Variants in KAZN observed in about 807,000 individuals in gnomAD.
The protein encoded by KAZN is kazrin.
A neutral mutation model predicts 87.4 loss-of-function variants in KAZN; 40 were observed. The observed-to-expected ratio is 0.46, with a 90% CI of 0.36 to 0.60. The LOEUF (loss-of-function observed/expected upper bound fraction) is 0.60, where lower values mean the gene tolerates loss of function less well. KAZN is among the 20% of genes least tolerant of loss of function. KAZN has a pLI of 0.00. For synonymous variants in KAZN, 466 were observed against 458.3 expected (o/e 1.02, Z -0.22); for missense variants, 898 against 1,073.9 (o/e 0.84, Z 2.29).
intron 1 of KAZN, among the ~76,000 whole-genome samples, chr1:14,610,116 G>A (rs1334639842): frequency 6.6e-6 from 1 of 152,214 alleles, no homozygotes; most frequent in African/African-American, 2.4e-5. Context: ...TTTTACAAAT[G>A]AATACAATTT....
At chr1:14,056,876 A>G (rs558763979) in intron 1 of KAZN, among the ~76,000 whole-genome samples, 11 of 152,180 alleles carry the variant, frequency 7.2e-5, no homozygotes, top group Non-Finnish European at 1.5e-5. Context: ...GAAAACATTC[A>G]GATTTCAAAA....
chr1:14,100,715 C>T (rs529793904), intron 1 of KAZN, among the ~76,000 whole-genome samples: 1 of 152,192 alleles, frequency 6.6e-6, no homozygotes, highest in Admixed American at 6.5e-5. Context: ...AGGTGTTCAG[C>T]CTAAATCACA....
intron 1 of KAZN, among the ~76,000 whole-genome samples, chr1:14,940,380 T>C (rs1204174975): frequency 6.6e-6 from 1 of 152,204 alleles, no homozygotes; most frequent in Admixed American, 6.5e-5. Flanking sequence ...CATCCACCCA[T>C]TGGCCTGTGC....
At chr1:15,080,046 G>A (rs988102010) in intron 8 of KAZN, among the ~76,000 whole-genome samples, 5 of 152,098 alleles carry the variant, frequency 3.3e-5, no homozygotes, top group Admixed American at 6.6e-5. Flanking sequence ...GCAGAGCAGT[G>A]GGGACCCTGG....
Position 14,764,575 on chromosome 1 carries a change from G to T in KAZN, c.226+165352G>T, listed in dbSNP as rs546741018. ...ACGGTTGCCTGTTTTGTTGACCCAT[G>T]TATCTTAAATGCCTGGAGCTCATAC... On this transcript the variant is annotated intron_variant, in intron 1 of 14. Transcript: ENST00000376030. Among the ~76,000 whole-genome samples, 5 of 152,176 alleles carry T rather than the reference G, an allele frequency of 3.3e-5. No individual in the cohort carries two copies. In the South Asian group the frequency reaches 1.0e-3, roughly 32 times the overall value.
At chr1:14,624,139 C>G (rs943309105) in intron 1 of KAZN, among the ~76,000 whole-genome samples, 7 of 152,088 alleles carry the variant, frequency 4.6e-5, no homozygotes, top group African/African-American at 7.2e-5. Context: ...ATATTAAAAC[C>G]AGGCCGGGCA....
chr1:14,831,287 A>G (rs993819402), intron 1 of KAZN, among the ~76,000 whole-genome samples: 1 of 152,208 alleles, frequency 6.6e-6, no homozygotes, highest in Non-Finnish European at 1.5e-5. Context: ...TCCTCCACCC[A>G]GGATGGAACT....
Position 14,747,589 on chromosome 1 carries a change from T to C in KAZN, c.226+148366T>C, listed in dbSNP as rs576613470. Among the ~76,000 whole-genome samples, 3 of 152,358 alleles carry C rather than the reference T, an allele frequency of 2.0e-5. No homozygotes were observed. In the South Asian group the frequency reaches 6.2e-4, roughly 32 times the overall value. ...GCCACTGCACCTGGCCCGTATCACA[T>C]TTTAAAATCCATTCATCCATCAATA... On this transcript the variant is annotated intron_variant, in intron 1 of 14. Transcript: ENST00000376030.
intron 2 of KAZN, among the ~76,000 whole-genome samples, chr1:14,449,896 A>T (rs6658744): frequency 6.6e-5 from 10 of 151,976 alleles, no homozygotes; most frequent in Non-Finnish European, 1.2e-4. Flanking sequence ...TCTGACTCTA[A>T]GTTTGAGAAA....
intron 1 of KAZN, among the ~76,000 whole-genome samples, chr1:14,883,342 G>GAGAGAGAAAGA (rs1377953212): frequency 3.0e-5 from 1 of 33,462 alleles, no homozygotes; most frequent in Non-Finnish European, 6.1e-5. Flanking sequence ...GAGAGAGAGA[G>GAGAGAGAAAGA]AAAGAAAGAA....
chr1:14,432,035 T>G (rs2101387417), intron 2 of KAZN, among the ~76,000 whole-genome samples: 1 of 152,320 alleles, frequency 6.6e-6, no homozygotes, highest in East Asian at 1.9e-4. Context: ...AAACATGGTG[T>G]GAAGAGTAAG....
At chr1:14,343,060 G>A (rs935232441) in intron 2 of KAZN, among the ~76,000 whole-genome samples, 1 of 152,136 alleles carries the variant, frequency 6.6e-6, no homozygotes, top group African/African-American at 2.4e-5. Flanking sequence ...AGAATCACTT[G>A]AACCCGGGAG....
chr1:14,471,069 T>C (rs557546103), intron 2 of KAZN, among the ~76,000 whole-genome samples: 1 of 152,236 alleles, frequency 6.6e-6, no homozygotes, highest in East Asian at 1.9e-4. Context: ...TGGCTGCAAC[T>C]CCAACCAATA....
intron 1 of KAZN, among the ~76,000 whole-genome samples, chr1:14,672,342 C>T (rs148668448): frequency 1.3e-5 from 2 of 152,270 alleles, no homozygotes; most frequent in African/African-American, 4.8e-5. Flanking sequence ...GTCCTCTGCC[C>T]GGCATTCACA....
intron 1 of KAZN, among the ~76,000 whole-genome samples, chr1:14,713,433 C>T (rs990507543): frequency 3.3e-5 from 5 of 152,130 alleles, no homozygotes; most frequent in Non-Finnish European, 7.4e-5. Flanking sequence ...ACGGAGCTGG[C>T]ACTGTGCCTG....
At position 14,891,451 on chromosome 1, in the gene KAZN, T is replaced by A. The variant is rs185231389; in HGVS notation, c.227-69233T>A. On this transcript the variant is annotated intron_variant, in intron 1 of 14. Coordinates refer to ENST00000376030, the MANE Select transcript of KAZN (RefSeq NM_201628.3). ...TGAGTTACTTCACTTAGAATAATAG[T>A]CTCCAATCCCATCCAGGTTGCTGCG... Among the ~76,000 whole-genome samples, 16 of 152,298 alleles carry A rather than the reference T, an allele frequency of 1.1e-4. No individual in the cohort carries two copies. In the East Asian group the frequency reaches 2.9e-3, roughly 28 times the overall value.
At chr1:14,374,572 A>G (rs1173381832) in intron 2 of KAZN, among the ~76,000 whole-genome samples, 1 of 152,164 alleles carries the variant, frequency 6.6e-6, no homozygotes, top group East Asian at 1.9e-4. Flanking sequence ...CCCATTTGGA[A>G]CTTTCTTTGA....
At chr1:14,103,054 TTATAGGTGTGCACCACCACACCTGGC>T (rs1644294254) in intron 1 of KAZN, among the ~76,000 whole-genome samples, 1 of 151,924 alleles carries the variant, frequency 6.6e-6, no homozygotes, top group Non-Finnish European at 1.5e-5. Context: ...GCAGATGAGG[TTATAGGTGTGCACCACCACACCTGGC>T]TAGTTGTTTT....
At chr1:14,516,623 G>T (rs962478185) in intron 2 of KAZN, among the ~76,000 whole-genome samples, 2 of 152,220 alleles carry the variant, frequency 1.3e-5, no homozygotes, top group African/African-American at 4.8e-5. Flanking sequence ...TGATGTTGGA[G>T]TCATTTTATT....
Sources: gnomAD v4.1 joint callset for allele counts (sites outside exome capture counted in the v4.1 genomes callset) on GRCh38, gnomAD v4.1.1 for gene constraint, MANE v1.5 for transcripts, NCBI Gene and HGNC (gene_info 2026-07-23, HGNC 2026-07-21) for gene names.